ELAVL2: variants seen among roughly 807,000 people sequenced by gnomAD.
ELAVL2 encodes ELAV-like protein 2.
A neutral mutation model predicts 34.6 loss-of-function variants in ELAVL2; 4 were observed. That is an observed-to-expected ratio of 0.12 (90% CI 0.06 to 0.26). The LOEUF is 0.26. Ranked by LOEUF, ELAVL2 falls within the 10% of genes least tolerant of loss-of-function variation. The pLI is 1.00. For missense variants in ELAVL2, 432 were observed against 442.8 expected, an observed-to-expected ratio of 0.98 and a Z score of 0.22; for synonymous variants, 193 against 154.8, an observed-to-expected ratio of 1.25 and a Z score of -1.83.
chr9:23,842,945 T>C, the ELAVL2 span, among the ~76,000 whole-genome samples: 1 of 152,276 alleles, frequency 6.6e-6, no homozygotes, highest in Middle Eastern at 3.4e-3. Flanking sequence ...CATTTTTTCC[T>C]GCTTCTTAGC....
intron 5 of ELAVL2, 62 bp from the exon 6 acceptor site, chr9:23,693,548 T>C (rs2033980181): frequency 1.3e-6 from 2 of 1,591,932 alleles, no homozygotes; most frequent in Non-Finnish European, 1.7e-6. Flanking sequence ...TTCAAGAAAG[T>C]TGGGCTCATT....
Position 23,692,539 on chromosome 9 carries a change from A to T in ELAVL2, c.*18T>A. 2 of 1,600,446 alleles carry T rather than the reference A, an allele frequency of 1.2e-6. No homozygotes were observed. The highest frequency in any genetic ancestry group is 1.7e-6 in the Non-Finnish European group (2 of 1,171,630). ...TTGTATAGTTTTCATATATAAATGG[A>T]CTGAGGACAAGAGCTCATTAGGCTT... On this transcript the variant is annotated 3_prime_UTR_variant, in exon 7 of 7. Transcript: ENST00000397312.
Position 23,690,667 on chromosome 9 carries a change from C to A in ELAVL2, c.*1890G>T, listed in dbSNP as rs992637013. The stretch of plus-strand genomic sequence containing the variant: ...AATAAAAAATAAAACTCAAAGCAAC[C>A]GCAAAGATAATGTACAACTATGTTA... On this transcript the variant is annotated 3_prime_UTR_variant, in exon 7 of 7. Transcript: ENST00000397312. 1.3e-5 allele frequency: 2 copies of A among 152,220 alleles called. No homozygotes were observed. Among genetic ancestry groups the A allele is most frequent in the African/African-American group, 2.4e-5 (1 of 41,306 alleles). The allele number at this position is 152,220 out of a possible 1,614,324, so 9.4% of individuals were successfully genotyped here. A position where few individuals can be genotyped will look rare whatever the true frequency, so the allele number is the denominator to read the frequency against.
At chr9:23,760,225 C>G (rs974725089) in intron 2 of ELAVL2, among the ~76,000 whole-genome samples, 1 of 151,806 alleles carries the variant, frequency 6.6e-6, no homozygotes, top group Non-Finnish European at 1.5e-5. Flanking sequence ...GTGGCAGATG[C>G]CTAATATGAA....
chr9:23,692,792 T>C lies in ELAVL2; in HGVS notation c.845A>G (p.Asn282Ser), dbSNP rs868079559. 1.2e-6 allele frequency: 2 copies of C among 1,614,146 alleles called. No individual in the cohort carries two copies. The highest frequency in any genetic ancestry group is 8.5e-7 in the Non-Finnish European group (1 of 1,180,006). ...PGTGWCIFVY[N>S]LAPDADESIL... ...ACTCTCATCTGCGTCAGGAGCCAGG[T>C]TGTACACAAATATACACCACCCTGT... Residue 282 changes from asparagine (N) to serine (S), a missense_variant, in exon 7 of 7, where the codon AAC becomes AGC. Asn to Ser is a conservative substitution (Grantham distance 46). This residue lies in a region of ELAVL2 where 295 missense variants were observed against 306.1 expected (regional missense o/e 0.96). Coordinates refer to ENST00000397312, the MANE Select transcript of ELAVL2 (RefSeq NM_004432.5).
intron 2 of ELAVL2, among the ~76,000 whole-genome samples, chr9:23,746,828 A>G (rs1318658071): frequency 6.6e-6 from 1 of 151,988 alleles, no homozygotes; most frequent in Non-Finnish European, 1.5e-5. Flanking sequence ...AAGAAAAAAA[A>G]AAAAAAAAGC....
chr9:23,850,426 T>G, the ELAVL2 span, among the ~76,000 whole-genome samples: 2 of 152,110 alleles, frequency 1.3e-5, no homozygotes, highest in Admixed American at 1.3e-4. Flanking sequence ...TGGCTGCTGC[T>G]GCGAGGCTGC....
chr9:23,694,032 T>C (rs184803377), intron 5 of ELAVL2, among the ~76,000 whole-genome samples: 1 of 152,246 alleles, frequency 6.6e-6, no homozygotes, highest in East Asian at 1.9e-4. Flanking sequence ...GAGGTATAAT[T>C]ACAGGTAGAA....
chr9:23,787,772 C>T (rs1249292298), intron 1 of ELAVL2, among the ~76,000 whole-genome samples: 1 of 152,100 alleles, frequency 6.6e-6, no homozygotes, highest in Non-Finnish European at 1.5e-5. Context: ...CGATTTGATT[C>T]TAATCTGCAA....
chr9:23,707,716 T>G (rs2039777571), intron 3 of ELAVL2, among the ~76,000 whole-genome samples: 1 of 152,222 alleles, frequency 6.6e-6, no homozygotes. Flanking sequence ...CAATTCTACC[T>G]TCTTTATATG....
intron 1 of ELAVL2, among the ~76,000 whole-genome samples, chr9:23,764,166 T>C (rs976471673): frequency 6.6e-6 from 1 of 152,194 alleles, no homozygotes; most frequent in Non-Finnish European, 1.5e-5. Flanking sequence ...AGCTACAAGA[T>C]TAAAGTGGCC....
intron 3 of ELAVL2, among the ~76,000 whole-genome samples, chr9:23,708,430 G>A (rs974168332): frequency 6.6e-6 from 1 of 152,124 alleles, no homozygotes; most frequent in African/African-American, 2.4e-5. Context: ...AACTAGTGTT[G>A]AATTCTGGGT....
intron 3 of ELAVL2, among the ~76,000 whole-genome samples, chr9:23,716,467 TTAAAAC>T (rs1210330381): frequency 2.0e-5 from 3 of 152,092 alleles, no homozygotes; most frequent in Non-Finnish European, 2.9e-5. Context: ...AAAAATGGCA[TTAAAAC>T]AAAAACAAAA....
chr9:23,695,901 C>T (rs1414884200), intron 5 of ELAVL2, among the ~76,000 whole-genome samples: 2 of 152,160 alleles, frequency 1.3e-5, no homozygotes, highest in African/African-American at 4.8e-5. Context: ...AGAAACATTT[C>T]GTTTTCCATC....
chr9:23,698,373 A>T (rs1178904029), intron 5 of ELAVL2, among the ~76,000 whole-genome samples: 1 of 152,216 alleles, frequency 6.6e-6, no homozygotes, highest in Non-Finnish European at 1.5e-5. Flanking sequence ...GATTATTCAT[A>T]GATTGACTAA....
At position 23,731,002 on chromosome 9, in the gene ELAVL2, T is replaced by TA. The variant is rs1471605593; in HGVS notation, c.333+19dup. ...TAAACTTCTGTTCCGCAAGTAGATA[T>TA]AAAAAAACTTTAAACATACTTTTAT... On this transcript the variant is annotated intron_variant, in intron 3 of 6. Transcript: ENST00000397312. 7 of 1,595,960 alleles carry TA rather than the reference T, an allele frequency of 4.4e-6. No individual in the cohort carries two copies. The highest frequency in any genetic ancestry group is 6.0e-6 in the Non-Finnish European group (7 of 1,171,084).
intron 3 of ELAVL2, among the ~76,000 whole-genome samples, chr9:23,713,430 A>G (rs180912074): frequency 4.5e-4 from 69 of 152,268 alleles, no homozygotes; most frequent in African/African-American, 1.3e-3. Flanking sequence ...TTGTCAATCA[A>G]AATGTTCCAT....
chr9:23,841,834 G>C, the ELAVL2 span, among the ~76,000 whole-genome samples: 1 of 152,132 alleles, frequency 6.6e-6, no homozygotes, highest in South Asian at 2.1e-4. Flanking sequence ...TGAGAAACTA[G>C]AGGAAAATAA....
rs151223567 is a variant in ELAVL2 at position 23,780,135 on chromosome 9, A to C, written c.-15-17886T>G. On this transcript the variant is annotated intron_variant, in intron 1 of 6. Coordinates refer to ENST00000397312, the MANE Select transcript of ELAVL2 (RefSeq NM_004432.5). ...TTCTACAAAACCTCACACATAACTT[A>C]GGTTGATTCTCTTTTCCAGGACTGT... is the stretch of plus-strand genomic sequence containing the variant. 1.9e-3 allele frequency among the ~76,000 whole-genome samples: 293 copies of C among 151,866 alleles called. 1 individual carries two copies. Among genetic ancestry groups the C allele is most frequent in the Middle Eastern group, 3.4e-3 (1 of 292 alleles).
Sources: gnomAD v4.1 joint callset for allele counts (sites outside exome capture counted in the v4.1 genomes callset) on GRCh38, gnomAD v4.1.1 for gene constraint, gnomAD v4.1.1 regional missense constraint, MANE v1.5 for transcripts, NCBI Gene and HGNC (gene_info 2026-07-23, HGNC 2026-07-21) for gene names.